NIPSNAP1: variants seen among roughly 807,000 people sequenced by gnomAD.
NIPSNAP1 encodes nipsnap homolog 1.
A neutral mutation model predicts 49.2 loss-of-function variants in NIPSNAP1; 25 were observed. That is an observed-to-expected ratio of 0.51 (90% CI 0.37 to 0.71). The LOEUF (loss-of-function observed/expected upper bound fraction) is 0.71, where lower values mean the gene tolerates loss of function less well. Among genes scored for constraint, NIPSNAP1 ranks in the 30% least tolerant of loss-of-function variants. NIPSNAP1 has a pLI of 0.00. For missense variants in NIPSNAP1, 294 were observed against 361.0 expected, an observed-to-expected ratio of 0.81 and a Z score of 1.50; for synonymous variants, 143 against 140.7, an observed-to-expected ratio of 1.02 and a Z score of -0.12.
Position 29,581,003 on chromosome 22 carries a change from G to T in NIPSNAP1, c.80C>A (p.Ala27Glu). ...GGPGPRAGDV[A>E]SAAAARFYSK... ...CTCTCACCGCGCCGCAGCTGCAGAC[G>T]CAACGTCCCCAGCGCGAGGCCCCGG... The change falls in exon 1 of 10, where the codon GCG becomes GAG. Residue 27 changes from alanine to glutamate, a missense_variant. Physicochemically the swap from Ala to Glu is moderately radical, Grantham distance 107 (BLOSUM62 -1). This residue lies in a region of NIPSNAP1 where 88 missense variants were observed against 76.1 expected (regional missense o/e 1.16). Transcript: ENST00000216121. The T allele has an allele frequency of 6.5e-7, 1 of 1,532,994 alleles. No homozygotes were observed. The allele number at this position is 1,532,994 out of a possible 1,614,324, so 95.0% of individuals were successfully genotyped here.
In NIPSNAP1 at chr22:29,562,822, GGGCACGGT is replaced by G. The variant is rs1165378603; in HGVS notation, c.368-968_368-961del. Among the ~76,000 whole-genome samples, 3 of 151,156 alleles carry G rather than the reference GGGCACGGT, an allele frequency of 2.0e-5. No individual in the cohort carries two copies. In the East Asian group the frequency reaches 5.9e-4, roughly 30 times the overall value. On this transcript the variant is annotated intron_variant, in intron 4 of 9. Transcript: ENST00000216121. ...TTAGAATTTATAAAAATCCTGGGCC[GGGCACGGT>G]GGCTCACGCCTGTAATCCCAGCACT...
At position 29,577,595 on chromosome 22, in the gene NIPSNAP1, T is replaced by C. The variant is rs2064462884; in HGVS notation, c.98+3390A>G. 2.0e-5 allele frequency among the ~76,000 whole-genome samples: 3 copies of C among 151,158 alleles called. 1 individual carries two copies. In the South Asian group the frequency reaches 6.2e-4, roughly 31 times the overall value. ...CCACCACGCCCAACTAATTTTTGTA[T>C]TTTTAGTAGAGACAGGGTTTCACCA... is the stretch of plus-strand genomic sequence containing the variant. On this transcript the variant is annotated intron_variant, in intron 1 of 9. Coordinates refer to ENST00000216121, the MANE Select transcript of NIPSNAP1 (RefSeq NM_003634.4).
At chr22:29,556,524 CA>C (rs961683058) in intron 9 of NIPSNAP1, among the ~76,000 whole-genome samples, 12 of 149,540 alleles carry the variant, frequency 8.0e-5, no homozygotes, top group African/African-American at 2.9e-4. Context: ...AACTCCGTCT[CA>C]AAAAAAAAGA....
chr22:29,577,895 ATTTTTTTT>A, intron 1 of NIPSNAP1, among the ~76,000 whole-genome samples: 1 of 99,390 alleles, frequency 1.0e-5, no homozygotes, highest in East Asian at 2.8e-4. Flanking sequence ...ACCATGCCTA[ATTTTTTTT>A]TTTTTTTTTT....
intron 4 of NIPSNAP1, among the ~76,000 whole-genome samples, chr22:29,568,938 G>C (rs2064386903): frequency 6.6e-6 from 1 of 152,230 alleles, no homozygotes; most frequent in East Asian, 1.9e-4. Flanking sequence ...GGGTGGGACA[G>C]CACAGCGAGG....
chr22:29,560,873 A>G (rs1408560808), intron 7 of NIPSNAP1, 45 bp from the exon 8 acceptor site: 1 of 1,562,690 alleles, frequency 6.4e-7, no homozygotes, highest in East Asian at 2.2e-5. Flanking sequence ...GGGCTGGTGC[A>G]GAGGGTACTG....
chr22:29,580,125 A>T (rs2064486606), intron 1 of NIPSNAP1: 1 of 1,304,180 alleles, frequency 7.7e-7, no homozygotes, highest in Non-Finnish European at 1.0e-6. Context: ...CCTTGACCAT[A>T]CACAGTCCTG....
At chr22:29,578,344 G>A (rs2064471054) in intron 1 of NIPSNAP1, among the ~76,000 whole-genome samples, 1 of 151,118 alleles carries the variant, frequency 6.6e-6, no homozygotes, top group South Asian at 2.1e-4. Context: ...CCAAATTTTT[G>A]TATTTTTTAT....
chr22:29,559,677 GCC>G (rs1310419784), intron 8 of NIPSNAP1, among the ~76,000 whole-genome samples: 1 of 152,098 alleles, frequency 6.6e-6, no homozygotes, highest in Non-Finnish European at 1.5e-5. Flanking sequence ...CTTCTGGAAT[GCC>G]CTTCTCCTTC....
rs747363210 is a variant in NIPSNAP1 at position 29,558,883 on chromosome 22, A to G, written c.777T>C (p.Asn259=). Residue 259 remains asparagine, a synonymous_variant, in exon 9 of 10, where the codon AAT becomes AAC. Transcript: ENST00000216121. Reference sequence around the variant, plus strand: ...GGCTTCACTCACCTGTATAGTAGACATTTTCATCCCAGCCTCTCTTCCTCC... The same window carrying G: ...GGCTTCACTCACCTGTATAGTAGACGTTTTCATCCCAGCCTCTCTTCCTCC... ...AAWRKRGWDE[N]VYYTVPLVRH... The G allele has an allele frequency of 6.2e-7, 1 of 1,613,602 alleles. No individual in the cohort carries two copies. The highest frequency in any genetic ancestry group is 1.1e-5 in the South Asian group (1 of 91,068).
At chr22:29,576,013 C>CTT (rs35741168) in intron 1 of NIPSNAP1, among the ~76,000 whole-genome samples, 2,099 of 138,432 alleles carry the variant, frequency 0.015, 78 homozygotes, top group South Asian at 0.13. Context: ...CACACTTGGC[C>CTT]TTTTTTTTTT....
In NIPSNAP1 at chr22:29,570,475, C is replaced by T. The variant is rs778224584; in HGVS notation, c.156G>A (p.Val52=). The part of the protein sequence containing the change: ...SWFRSLFVHK[V]DPRKDAHSTL... ...TGGAGTGGGCATCCTTCCGGGGATC[C>T]ACTTTGTGAACAAAGAGGGAGCGGA... Residue 52 remains valine, a synonymous_variant, in exon 2 of 10, where the codon GTG becomes GTA. Transcript: ENST00000216121. 7 of 1,614,036 alleles carry T rather than the reference C, an allele frequency of 4.3e-6. No homozygotes were observed. In the Admixed American group the frequency reaches 1.2e-4, roughly 27 times the overall value.
intron 4 of NIPSNAP1, among the ~76,000 whole-genome samples, chr22:29,563,720 T>C (rs1220925150): frequency 6.6e-6 from 1 of 151,986 alleles, no homozygotes; most frequent in Non-Finnish European, 1.5e-5. Flanking sequence ...CTAGTGTCCT[T>C]ATCAGAAGTG....
chr22:29,561,925 A>C, intron 4 of NIPSNAP1, 63 bp from the exon 5 acceptor site: 2 of 1,502,386 alleles, frequency 1.3e-6, no homozygotes, highest in South Asian at 1.1e-5. Flanking sequence ...GACCTCCTCA[A>C]GGTTGGCTAA....
In NIPSNAP1 at chr22:29,578,138, C is replaced by T. The variant is rs1279365165; in HGVS notation, c.98+2847G>A. On this transcript the variant is annotated intron_variant, in intron 1 of 9. Coordinates refer to ENST00000216121, the MANE Select transcript of NIPSNAP1 (RefSeq NM_003634.4). The stretch of plus-strand genomic sequence containing the variant: ...GTCTTGAATACCTGACCTCATGATC[C>T]GCCTGCCTGGGCCTCCCAAAGTGCT... Among the ~76,000 whole-genome samples the T allele has an allele frequency of 1.3e-4, 19 of 149,926 alleles. No homozygotes were observed. In the East Asian group the frequency reaches 3.0e-3, roughly 23 times the overall value.
intron 2 of NIPSNAP1, 37 bp from the exon 3 acceptor site, chr22:29,570,244 G>A: frequency 6.2e-7 from 1 of 1,611,576 alleles, no homozygotes; most frequent in Middle Eastern, 1.7e-4. Flanking sequence ...GTGAGGTAGG[G>A]TGTGTACACA....
chr22:29,569,444 A>G (rs1406455068), intron 3 of NIPSNAP1, among the ~76,000 whole-genome samples, 157 bp from the exon 4 acceptor site: 3 of 152,002 alleles, frequency 2.0e-5, no homozygotes, highest in Non-Finnish European at 4.4e-5. Context: ...GACTTCCGAC[A>G]CTGAAATTTA....
At chr22:29,558,791 A>T (rs1186697379) in intron 9 of NIPSNAP1, 79 bp downstream of exon 9, 4 of 1,084,832 alleles carry the variant, frequency 3.7e-6, no homozygotes, top group Admixed American at 1.7e-5. Context: ...GGTAATCAAG[A>T]AAGACTAGAT....
intron 6 of NIPSNAP1, 145 bp downstream of exon 6, chr22:29,561,361 G>T: frequency 7.1e-7 from 1 of 1,413,828 alleles, no homozygotes; most frequent in South Asian, 1.1e-5. Flanking sequence ...TGGTGTGCAT[G>T]TTTGCACACA....
Sources: allele counts gnomAD v4.1 joint callset (sites outside exome capture counted in the v4.1 genomes callset), GRCh38; gene constraint gnomAD v4.1.1; regional missense constraint gnomAD v4.1.1; transcripts MANE v1.5; gene names NCBI Gene and HGNC (gene_info 2026-07-23, HGNC 2026-07-21).